Variants in DNMT1 observed in about 807,000 individuals in gnomAD.
DNMT1 encodes the protein DNA methyltransferase 1, also known as DNA (cytosine-5)-methyltransferase 1.
A neutral mutation model predicts 205.3 loss-of-function variants in DNMT1; 24 were observed. The observed-to-expected ratio is 0.12, with a 90% CI of 0.08 to 0.16. The LOEUF is 0.16. Among genes scored for constraint, DNMT1 ranks in the 10% least tolerant of loss-of-function variants. The pLI is 1.00. For synonymous variants in DNMT1, 817 were observed against 839.8 expected (o/e 0.97, Z 0.47); for missense variants, 1,293 against 2,177.7 (o/e 0.59, Z 8.09).
chr19:10,175,679 G>C, intron 6 of DNMT1, 61 bp from the exon 7 acceptor site: 2 of 1,505,928 alleles, frequency 1.3e-6, no homozygotes, highest in Non-Finnish European at 1.8e-6. Flanking sequence ...CAGCTGGCCT[G>C]AAGTGGACCC....
chr19:10,189,142 C>A (rs1411955452), intron 1 of DNMT1, among the ~76,000 whole-genome samples: 1 of 138,654 alleles, frequency 7.2e-6, no homozygotes, highest in Non-Finnish European at 1.5e-5. Flanking sequence ...TTTTTTGAGA[C>A]GGAGTCTCGC....
intron 34 of DNMT1, among the ~76,000 whole-genome samples, chr19:10,139,236 GT>G (rs1273819685): frequency 3.3e-5 from 5 of 152,226 alleles, no homozygotes; most frequent in African/African-American, 1.2e-4. Flanking sequence ...ATCTGTGGGG[GT>G]TTGTGTGCGC....
At chr19:10,170,669 C>T (rs1389202631) in intron 9 of DNMT1, among the ~76,000 whole-genome samples, 4 of 152,156 alleles carry the variant, frequency 2.6e-5, no homozygotes, top group East Asian at 1.9e-4. Flanking sequence ...AATTACTGTA[C>T]ATTTTAGTTG....
In DNMT1 at chr19:10,138,907, G is replaced by A. The variant is rs746601004; in HGVS notation, c.3949-302C>T. On this transcript the variant is annotated intron_variant, in intron 34 of 40. Coordinates refer to ENST00000359526, the MANE Select transcript of DNMT1 (RefSeq NM_001130823.3). This position sits in a 1 kb window ranked among gnomAD's most constrained non-coding sequence, Gnocchi z 4.1. ...GCCCCAAGGTCTTAGCACTCGGGGAGAACACTGGAGACCAGGAGCCCTGTC... is the reference window on the plus strand; with the variant it reads ...GCCCCAAGGTCTTAGCACTCGGGGAAAACACTGGAGACCAGGAGCCCTGTC... 3.3e-5 allele frequency among the ~76,000 whole-genome samples: 5 copies of A among 152,220 alleles called. No individual in the cohort carries two copies. Among genetic ancestry groups the A allele is most frequent in the Non-Finnish European group, 5.9e-5 (4 of 68,028 alleles).
rs113592837 is a variant in DNMT1 at position 10,151,279 on chromosome 19, G to T, written c.2265+119C>A. ...GTCCCGCTCTTCTCAGGGGCAAACA[G>T]ACAGGTTTCTTAGTGCCGGGGCTCA... On this transcript the variant is annotated intron_variant, in intron 24 of 40. Coordinates refer to ENST00000359526, the MANE Select transcript of DNMT1 (RefSeq NM_001130823.3). This position sits in a 1 kb window ranked among gnomAD's most constrained non-coding sequence, Gnocchi z 5.0. 4.0e-5 allele frequency: 58 copies of T among 1,458,098 alleles called. No homozygotes were observed. Among genetic ancestry groups the T allele is most frequent in the African/African-American group, 3.2e-4 (23 of 72,086 alleles). The allele number at this position is 1,458,098 out of a possible 1,614,324, so 90.3% of individuals were successfully genotyped here.
Position 10,194,759 on chromosome 19 carries a change from G to A in DNMT1, c.80+61C>T, listed in dbSNP as rs1365483920. On this transcript the variant is annotated intron_variant, in intron 1 of 40. Transcript: ENST00000359526. ...GCCACCGGCCACCCCGAGGGGAAGC[G>A]ACCCCCCACCCAGCGCCCTGCCTGT... 3.1e-5 allele frequency: 47 copies of A among 1,527,686 alleles called. 1 individual carries two copies. In the South Asian group the frequency reaches 4.5e-4, roughly 15 times the overall value. The allele number at this position is 1,527,686 out of a possible 1,614,324, so 94.6% of individuals were successfully genotyped here.
Position 10,140,519 on chromosome 19 carries a change from AC to A in DNMT1, c.3524-192del, listed in dbSNP as rs1036078677. On this transcript the variant is annotated intron_variant, in intron 32 of 40. Coordinates refer to ENST00000359526, the MANE Select transcript of DNMT1 (RefSeq NM_001130823.3). The surrounding 1 kb of genome is among the most constrained non-coding windows in gnomAD (Gnocchi z 8.4). ...TGAGTAGCTGGGACTACAGGCACAC[AC>A]CACCACGCCCAGCTAATTTTTGTAT... 9 of 924,894 alleles carry A rather than the reference AC, an allele frequency of 9.7e-6. No homozygotes were observed. In the African/African-American group the frequency reaches 1.5e-4, roughly 15 times the overall value. 57.3% of individuals were successfully genotyped at this position (924,894 alleles called of 1,614,324 possible). A position where few individuals can be genotyped will look rare whatever the true frequency, so the allele number is the denominator to read the frequency against.
intron 37 of DNMT1, 27 bp from the exon 38 acceptor site, chr19:10,136,314 G>C: frequency 6.2e-7 from 1 of 1,612,736 alleles, no homozygotes; most frequent in Admixed American, 1.7e-5. Flanking sequence ...TGATGAGGCT[G>C]CAGTTGTGGG....
At position 10,149,864 on chromosome 19, in the gene DNMT1, C is replaced by T; in HGVS notation, c.2370G>A (p.Leu790=). 1 of 1,614,214 alleles carries T rather than the reference C, an allele frequency of 6.2e-7. No homozygotes were observed. Among genetic ancestry groups the T allele is most frequent in the South Asian group, 1.1e-5 (1 of 91,092 alleles). The part of the protein sequence containing the change: ...SVIPDDSSKP[L]YLARVTALWE... ...AGAAAGATGCAAACCTTGCTAGATA[C>T]AGCGGTTTTGAGGAATCATCTGGAA... Residue 790 remains leucine, a synonymous_variant, in exon 25 of 41, where the codon CTG becomes CTA. Coordinates refer to ENST00000359526, the MANE Select transcript of DNMT1 (RefSeq NM_001130823.3).
In DNMT1 at chr19:10,180,477, A is replaced by T. The variant is rs1306451383; in HGVS notation, c.318T>A (p.Arg106=). The part of the protein sequence containing the change: ...AHAYNREVNG[R]LENGNQARSE... ...TTCTTGCTTGGTTCCCGTTTTCTAG[A>T]CGTCCATTCACTTCCCGGTTGTAAG... The change falls in exon 4 of 41, where the codon CGT becomes CGA. Residue 106 remains arginine, a synonymous_variant. Transcript: ENST00000359526. 1 of 1,613,956 alleles carries T rather than the reference A, an allele frequency of 6.2e-7. No individual in the cohort carries two copies. The highest frequency in any genetic ancestry group is 8.5e-7 in the Non-Finnish European group (1 of 1,180,034).
At chr19:10,188,817 A>G (rs1267578376) in intron 1 of DNMT1, among the ~76,000 whole-genome samples, 1 of 152,186 alleles carries the variant, frequency 6.6e-6, no homozygotes, top group Non-Finnish European at 1.5e-5. Context: ...GGAAGGGGGC[A>G]TGAGCCGAGG....
Position 10,137,756 on chromosome 19 carries a change from T to C in DNMT1, c.4293+76A>G. 1.3e-6 allele frequency: 2 copies of C among 1,558,712 alleles called. No homozygotes were observed. The highest frequency in any genetic ancestry group is 1.7e-6 in the Non-Finnish European group (2 of 1,148,146). On this transcript the variant is annotated intron_variant, in intron 36 of 40. Transcript: ENST00000359526. The surrounding 1 kb of genome is among the most constrained non-coding windows in gnomAD (Gnocchi z 6.4). ...TCAGATTCCATGTCTCCCCTGAGTCTTGGGCAGGCTGACTGTTCCCACGAG... is the reference window on the plus strand; with the variant it reads ...TCAGATTCCATGTCTCCCCTGAGTCCTGGGCAGGCTGACTGTTCCCACGAG...
intron 29 of DNMT1, among the ~76,000 whole-genome samples, chr19:10,142,526 AG>A (rs1262077005): frequency 6.8e-6 from 1 of 146,506 alleles, no homozygotes; most frequent in Non-Finnish European, 1.5e-5. Flanking sequence ...GACCCCTCCC[AG>A]TAAGGGAATC....
chr19:10,176,890 G>T (rs1030938272), intron 6 of DNMT1, among the ~76,000 whole-genome samples: 3 of 151,984 alleles, frequency 2.0e-5, no homozygotes, highest in South Asian at 4.1e-4. Context: ...AGCAATTATT[G>T]TAAAATATGA....
intron 8 of DNMT1, 29 bp downstream of exon 8, chr19:10,173,841 CA>C (rs1189579720): frequency 5.0e-6 from 8 of 1,612,762 alleles, no homozygotes; most frequent in Non-Finnish European, 6.8e-6. Flanking sequence ...ACTCGTAGAA[CA>C]AAAAGAAAGG....
At chr19:10,160,157 G>A (rs2038538459) in intron 14 of DNMT1, 94 bp from the exon 15 acceptor site, 35 of 1,593,644 alleles carry the variant, frequency 2.2e-5, no homozygotes, top group Non-Finnish European at 2.9e-5. Flanking sequence ...AGGTGCCTGT[G>A]GCACAGGGAG....
intron 5 of DNMT1, among the ~76,000 whole-genome samples, chr19:10,179,483 C>G (rs926053032): frequency 6.6e-6 from 1 of 152,098 alleles, no homozygotes; most frequent in Non-Finnish European, 1.5e-5. Flanking sequence ...ATCCAGCCAC[C>G]TTGGCCACCC....
intron 5 of DNMT1, among the ~76,000 whole-genome samples, chr19:10,178,423 G>A (rs528096038): frequency 3.3e-5 from 5 of 152,190 alleles, no homozygotes; most frequent in Middle Eastern, 3.4e-3. Context: ...TGGGCGTGGT[G>A]GCGCATGCCT....
intron 1 of DNMT1, among the ~76,000 whole-genome samples, chr19:10,183,905 A>G (rs2039127902): frequency 1.3e-5 from 2 of 151,428 alleles, no homozygotes; most frequent in South Asian, 2.1e-4. Flanking sequence ...TAAAATAAAA[A>G]TAACTGGGTT....
Sources: gnomAD v4.1 joint callset for allele counts (sites outside exome capture counted in the v4.1 genomes callset) on GRCh38, gnomAD v4.1.1 for gene constraint, Gnocchi (gnomAD v3.1) non-coding constraint, MANE v1.5 for transcripts, NCBI Gene and HGNC (gene_info 2026-07-23, HGNC 2026-07-21) for gene names.